The following DOCK1 variants were observed in gnomAD, a reference collection of about 807,000 sequenced individuals.
DOCK1 encodes dedicator of cytokinesis 1.
Under a neutral mutation model 262.7 loss-of-function variants are expected in DOCK1, and 138 were observed. That is an observed-to-expected ratio of 0.53 (90% CI 0.46 to 0.61). The LOEUF is 0.61. Ranked by LOEUF, DOCK1 falls within the 20% of genes least tolerant of loss-of-function variation. The pLI is 0.00. For missense variants in DOCK1, 1,908 were observed against 2,370.7 expected (o/e 0.80, Z 4.05); for synonymous variants, 866 against 867.4 (o/e 1.00, Z 0.03).
chr10:127,322,010 C>T (rs774957410), intron 29 of DOCK1, among the ~76,000 whole-genome samples: 6 of 151,520 alleles, frequency 4.0e-5, no homozygotes, highest in Non-Finnish European at 5.9e-5. Flanking sequence ...GGCTGAGGCA[C>T]GAGGATCACT....
Position 127,012,045 on chromosome 10 carries a change from G to A in DOCK1, c.1059-187G>A, listed in dbSNP as rs2041495042. On this transcript the variant is annotated intron_variant, in intron 11 of 51. Coordinates refer to ENST00000623213, the MANE Select transcript of DOCK1 (RefSeq NM_001290223.2). This position sits in a 1 kb window ranked among gnomAD's most constrained non-coding sequence, Gnocchi z 4.0. Reference sequence around the variant, plus strand: ...TTGCTCTGTTCCCTCTCGTGGTTCAGCATTTTCCTGATCAATGCTTTTCCC... The same window carrying A: ...TTGCTCTGTTCCCTCTCGTGGTTCAACATTTTCCTGATCAATGCTTTTCCC... Among the ~76,000 whole-genome samples the A allele has an allele frequency of 6.6e-6, 1 of 152,104 alleles. No individual in the cohort carries two copies. Among genetic ancestry groups the A allele is most frequent in the African/African-American group, 2.4e-5 (1 of 41,420 alleles).
At chr10:127,278,820 G>C (rs1284871642) in intron 29 of DOCK1, among the ~76,000 whole-genome samples, 1 of 152,228 alleles carries the variant, frequency 6.6e-6, no homozygotes, top group East Asian at 1.9e-4. Context: ...GCTTCCTTCT[G>C]TGTGACAAGC....
chr10:127,438,476 C>T (rs2069846738), intron 48 of DOCK1, among the ~76,000 whole-genome samples: 1 of 152,266 alleles, frequency 6.6e-6, no homozygotes, highest in East Asian at 1.9e-4. Flanking sequence ...CTTCTGTCTC[C>T]AGCTTAGTTG....
rs2049891128 is a variant in DOCK1, at chr10:127,125,465, C to T, written c.2624-9C>T. The T allele has an allele frequency of 6.2e-7, 1 of 1,612,342 alleles. No homozygotes were observed. Among genetic ancestry groups the T allele is most frequent in the Admixed American group, 1.7e-5 (1 of 59,990 alleles). ...TTCACACTGACTGGCAATGCTGTGTCCTGTGTAGACTGCAGAGAGATCCTG... is the reference window on the plus strand; with the variant it reads ...TTCACACTGACTGGCAATGCTGTGTTCTGTGTAGACTGCAGAGAGATCCTG... On this transcript the variant is annotated splice_polypyrimidine_tract_variant and intron_variant, in intron 25 of 51. Coordinates refer to ENST00000623213, the MANE Select transcript of DOCK1 (RefSeq NM_001290223.2).
intron 4 of DOCK1, among the ~76,000 whole-genome samples, chr10:126,984,974 CTTTT>C (rs553086410): frequency 0.047 from 4,021 of 85,108 alleles, 53 homozygotes; most frequent in Middle Eastern, 0.1. Flanking sequence ...ATGTCCCATT[CTTTT>C]TTTTTTTTTT....
At chr10:127,390,217 C>G (rs1487282122) in intron 38 of DOCK1, among the ~76,000 whole-genome samples, 3 of 152,138 alleles carry the variant, frequency 2.0e-5, no homozygotes, top group Admixed American at 1.3e-4. Flanking sequence ...TCTTTAAGCC[C>G]TCTGAGCAGC....
At chr10:127,438,736 C>T (rs903158552) in intron 48 of DOCK1, among the ~76,000 whole-genome samples, 3 of 152,136 alleles carry the variant, frequency 2.0e-5, no homozygotes, top group African/African-American at 4.8e-5. Flanking sequence ...CCCTAAATAC[C>T]ATCCTCCCAT....
At chr10:127,145,284 A>T (rs2051698782) in intron 27 of DOCK1, among the ~76,000 whole-genome samples, 1 of 152,178 alleles carries the variant, frequency 6.6e-6, no homozygotes, top group Non-Finnish European at 1.5e-5. Context: ...GCCTCTGCCC[A>T]TCGTAAGTTC....
intron 46 of DOCK1, among the ~76,000 whole-genome samples, chr10:127,421,380 G>A (rs539509324): frequency 6.6e-6 from 1 of 152,196 alleles, no homozygotes; most frequent in African/African-American, 2.4e-5. Context: ...TATAGGATGG[G>A]TTGGATTTTT....
At chr10:127,291,840 T>C (rs1380356298) in intron 29 of DOCK1, among the ~76,000 whole-genome samples, 5 of 152,178 alleles carry the variant, frequency 3.3e-5, no homozygotes, top group Admixed American at 3.3e-4. Context: ...AATGCAGACA[T>C]AAATCATCTT....
chr10:127,117,899 G>A (rs2049293044), intron 25 of DOCK1, among the ~76,000 whole-genome samples: 1 of 152,114 alleles, frequency 6.6e-6, no homozygotes, highest in South Asian at 2.1e-4. Context: ...AGAGCCCCAG[G>A]TCAGCATGCA....
chr10:127,173,993 T>C (rs1056231609), intron 27 of DOCK1, among the ~76,000 whole-genome samples: 3 of 152,194 alleles, frequency 2.0e-5, no homozygotes, highest in Non-Finnish European at 4.4e-5. Context: ...CCCCAGCCTC[T>C]CCACTGCTGG....
At chr10:127,332,828 G>A (rs2063041885) in intron 29 of DOCK1, among the ~76,000 whole-genome samples, 1 of 152,218 alleles carries the variant, frequency 6.6e-6, no homozygotes, top group Admixed American at 6.5e-5. Context: ...CCTGCCAAGT[G>A]TGGGGAGGTG....
intron 23 of DOCK1, among the ~76,000 whole-genome samples, chr10:127,084,246 C>G (rs543406560): frequency 6.6e-6 from 1 of 152,260 alleles, no homozygotes; most frequent in South Asian, 2.1e-4. Flanking sequence ...TGTGTATGTT[C>G]TTTACCAGGC....
At chr10:127,361,326 G>T (rs954652905) in intron 32 of DOCK1, among the ~76,000 whole-genome samples, 1 of 151,990 alleles carries the variant, frequency 6.6e-6, no homozygotes, top group Admixed American at 6.5e-5. Context: ...GTGTTAGCCA[G>T]GATGGTCTCG....
intron 28 of DOCK1, among the ~76,000 whole-genome samples, chr10:127,252,845 G>A (rs1405506916): frequency 2.0e-5 from 3 of 152,022 alleles, no homozygotes; most frequent in Admixed American, 2.0e-4. Context: ...TGTTCTTTTG[G>A]CTTAGGATTG....
intron 27 of DOCK1, among the ~76,000 whole-genome samples, chr10:127,220,697 T>C (rs930324797): frequency 1.3e-5 from 2 of 151,538 alleles, no homozygotes; most frequent in Non-Finnish European, 2.9e-5. Flanking sequence ...GGGCGGAGGG[T>C]GGAGATTACA....
chr10:127,133,158 C>T (rs978413563), intron 27 of DOCK1, among the ~76,000 whole-genome samples: 1 of 152,170 alleles, frequency 6.6e-6, no homozygotes, highest in African/African-American at 2.4e-5. Context: ...AGTGCTTTCT[C>T]TGAGCATGGG....
chr10:127,352,363 C>T (rs898577652), intron 31 of DOCK1, among the ~76,000 whole-genome samples: 2 of 151,658 alleles, frequency 1.3e-5, no homozygotes, highest in African/African-American at 4.8e-5. Flanking sequence ...ATGCACCTGG[C>T]CTCCCAAATC....
Sources: allele counts gnomAD v4.1 joint callset (sites outside exome capture counted in the v4.1 genomes callset), GRCh38; gene constraint gnomAD v4.1.1; non-coding constraint Gnocchi (gnomAD v3.1); transcripts MANE v1.5; gene names NCBI Gene and HGNC (gene_info 2026-07-23, HGNC 2026-07-21).